The following GRB10 variants were observed in gnomAD, a reference collection of about 807,000 sequenced individuals.
The protein encoded by GRB10 is growth factor receptor bound protein 10.
Under a neutral mutation model 80.9 loss-of-function variants are expected in GRB10, and 20 were observed. The ratio of observed to expected loss-of-function variants is 0.25; its 90% CI spans 0.17 to 0.36. The LOEUF (loss-of-function observed/expected upper bound fraction) is 0.36, where lower values mean the gene tolerates loss of function less well. GRB10 is among the 10% of genes least tolerant of loss of function. GRB10 has a pLI of 1.00. For synonymous variants in GRB10, 291 were observed against 291.5 expected (o/e 1.00, Z 0.02); for missense variants, 548 against 747.7 (o/e 0.73, Z 3.12).
At chr7:50,651,311 A>G (rs745843476) in intron 7 of GRB10, among the ~76,000 whole-genome samples, 35 of 152,186 alleles carry the variant, frequency 2.3e-4, no homozygotes, top group South Asian at 6.2e-4. Flanking sequence ...CGAGGTCTGG[A>G]GGGAGAACCC....
rs201688110 is a variant in GRB10, at chr7:50,692,308, G to A, written c.139+11513C>T. 1.2e-3 allele frequency among the ~76,000 whole-genome samples: 177 copies of A among 149,462 alleles called. 1 individual carries two copies. The highest frequency in any genetic ancestry group is 4.1e-3 in the African/African-American group (161 of 39,184). ...ACTGTGTACACACACACACACACACGCACACATATATATATAATGAATAAA... is the reference window on the plus strand; with the variant it reads ...ACTGTGTACACACACACACACACACACACACATATATATATAATGAATAAA... On this transcript the variant is annotated intron_variant, in intron 5 of 18. Transcript: ENST00000401949.
At chr7:50,625,011 A>G (rs1440110860) in intron 8 of GRB10, among the ~76,000 whole-genome samples, 1 of 152,164 alleles carries the variant, frequency 6.6e-6, no homozygotes, top group Non-Finnish European at 1.5e-5. Context: ...TGTAAATATC[A>G]CAACCCTACA....
intron 8 of GRB10, among the ~76,000 whole-genome samples, chr7:50,622,600 C>T (rs543802472): frequency 3.9e-5 from 6 of 152,268 alleles, no homozygotes; most frequent in African/African-American, 4.8e-5. Flanking sequence ...AGCCTCTCTC[C>T]CAGATTATCT....
chr7:50,791,789 T>C (rs907067484), intron 1 of GRB10, among the ~76,000 whole-genome samples: 7 of 152,218 alleles, frequency 4.6e-5, no homozygotes, highest in African/African-American at 1.7e-4. Context: ...CATGCAGTGA[T>C]CCTAGAGTTT....
At chr7:50,786,562 TC>T (rs1177961550), upstream of GRB10, among the ~76,000 whole-genome samples, 1 of 152,230 alleles carries the variant, frequency 6.6e-6, no homozygotes, top group Non-Finnish European at 1.5e-5. Flanking sequence ...AGCTTCTTTC[TC>T]AACCCCATTC....
At chr7:50,773,440 AGAAAGGGGAAGGG>A (rs1416597871) in intron 2 of GRB10, among the ~76,000 whole-genome samples, 1 of 20,078 alleles carries the variant, frequency 5.0e-5, no homozygotes, top group Non-Finnish European at 2.1e-4. Flanking sequence ...GGGGAAGGGG[AGAAAGGGGAAGGG>A]AGGGGAGGGG....
intron 7 of GRB10, chr7:50,645,607 T>C: frequency 1.0e-6 from 1 of 985,306 alleles, no homozygotes; most frequent in Non-Finnish European, 1.2e-6. Flanking sequence ...ACCCCCATCC[T>C]CCAATCGCCC....
At chr7:50,791,581 G>T (rs370562687) in intron 1 of GRB10, among the ~76,000 whole-genome samples, 1 of 152,280 alleles carries the variant, frequency 6.6e-6, no homozygotes, top group South Asian at 2.1e-4. Context: ...GTTGTAGAGG[G>T]GATTAAAAGC....
intron 13 of GRB10, among the ~76,000 whole-genome samples, chr7:50,611,189 C>T (rs1464047849): frequency 6.6e-6 from 1 of 152,210 alleles, no homozygotes; most frequent in Non-Finnish European, 1.5e-5. Flanking sequence ...CCATCAAATA[C>T]AAATATTCCA....
rs76206227 is a variant in GRB10 at position 50,600,235 on chromosome 7, C to T, written c.1544+3763G>A. 7.2e-5 allele frequency among the ~76,000 whole-genome samples: 11 copies of T among 152,158 alleles called. No individual in the cohort carries two copies. The South Asian group carries it at 1.7e-3, about 23-fold the overall frequency. ...CACACAGATACCCCTAACTCAAAAA[C>T]GTCACAGAAAGAGAAATTTCTGTGT... On this transcript the variant is annotated intron_variant, in intron 17 of 18. Transcript: ENST00000401949.
intron 4 of GRB10, among the ~76,000 whole-genome samples, chr7:50,728,998 G>C (rs2069151456): frequency 1.3e-5 from 2 of 152,166 alleles, no homozygotes; most frequent in Non-Finnish European, 2.9e-5. Flanking sequence ...TGCAAAAGCA[G>C]ATTGCAGTTC....
intron 1 of GRB10, chr7:50,792,871 G>C (rs1312502846): frequency 6.7e-6 from 1 of 149,388 alleles, no homozygotes; most frequent in Admixed American, 6.7e-5. Context: ...AGCCGCCGGC[G>C]TCTGACAAGA....
intron 5 of GRB10, among the ~76,000 whole-genome samples, chr7:50,675,769 C>T (rs2060860269): frequency 6.6e-6 from 1 of 151,664 alleles, no homozygotes; most frequent in Non-Finnish European, 1.5e-5. Flanking sequence ...TCTGTTTCTC[C>T]AGAGAAACAG....
intron 5 of GRB10, among the ~76,000 whole-genome samples, chr7:50,693,996 T>C (rs551791884): frequency 6.6e-6 from 1 of 151,866 alleles, no homozygotes; most frequent in Non-Finnish European, 1.5e-5. Flanking sequence ...GACTCTGCAA[T>C]GCTTCTGTTA....
chr7:50,772,584 TTAAG>T (rs928824520), intron 2 of GRB10, among the ~76,000 whole-genome samples: 2 of 152,106 alleles, frequency 1.3e-5, no homozygotes, highest in African/African-American at 4.8e-5. Context: ...GCCAGAGCAA[TTAAG>T]TAAGAAAAAG....
At chr7:50,694,903 T>TG (rs2063257547) in intron 5 of GRB10, among the ~76,000 whole-genome samples, 1 of 152,180 alleles carries the variant, frequency 6.6e-6, no homozygotes, top group South Asian at 2.1e-4. Flanking sequence ...AGGAATGCCA[T>TG]GATAGCAGAT....
In GRB10 at chr7:50,704,484, C is replaced by A. The variant is rs1404222474; in HGVS notation, c.52-576G>T. 3.3e-5 allele frequency among the ~76,000 whole-genome samples: 5 copies of A among 152,186 alleles called. No homozygotes were observed. The East Asian group carries it at 9.6e-4, about 29-fold the overall frequency. ...TGGGACCAGAAGCCAATGAAAGATA[C>A]ATTCAAATGTGGGGAAAGAAATATT... On this transcript the variant is annotated intron_variant, in intron 4 of 18. Transcript: ENST00000401949.
chr7:50,649,284 G>A (rs896756703), intron 7 of GRB10, among the ~76,000 whole-genome samples: 2 of 152,210 alleles, frequency 1.3e-5, no homozygotes, highest in Non-Finnish European at 2.9e-5. Flanking sequence ...TCAGAGGGAG[G>A]CTGGCCAGGG....
At chr7:50,628,453 G>A (rs1200790572) in intron 7 of GRB10, among the ~76,000 whole-genome samples, 1 of 152,108 alleles carries the variant, frequency 6.6e-6, no homozygotes, top group Non-Finnish European at 1.5e-5. Context: ...ATCAGGAACT[G>A]GGACCACACC....
Sources: allele counts gnomAD v4.1 joint callset (sites outside exome capture counted in the v4.1 genomes callset), GRCh38; gene constraint gnomAD v4.1.1; transcripts MANE v1.5; gene names NCBI Gene and HGNC (gene_info 2026-07-23, HGNC 2026-07-21).